COL27A1: variants seen among roughly 807,000 people sequenced by gnomAD.
COL27A1 encodes collagen type XXVII alpha 1 chain.
A neutral mutation model predicts 251.3 loss-of-function variants in COL27A1; 106 were observed. The observed-to-expected ratio is 0.42, with a 90% confidence interval of 0.36 to 0.50. COL27A1 has a LOEUF of 0.50. COL27A1 is among the 20% of genes least tolerant of loss of function. The probability of loss-of-function intolerance (pLI) is 0.00; values close to 1 mark genes in which losing one functional copy is unlikely to be tolerated. For synonymous variants in COL27A1, 1,000 were observed against 986.3 expected (o/e 1.01, Z -0.26); for missense variants, 2,325 against 2,522.8 (o/e 0.92, Z 1.68).
chr9:114,225,953 T>G (rs937520367), intron 14 of COL27A1, among the ~76,000 whole-genome samples: 7 of 152,152 alleles, frequency 4.6e-5, no homozygotes, highest in African/African-American at 1.7e-4. Context: ...GTGTCGGGCT[T>G]GTCACCTGGG....
At chr9:114,297,147 A>C (rs923450493) in intron 49 of COL27A1, among the ~76,000 whole-genome samples, 1 of 152,228 alleles carries the variant, frequency 6.6e-6, no homozygotes, top group African/African-American at 2.4e-5. Flanking sequence ...ACAAGGGTGA[A>C]TACAGACAGA....
At chr9:114,274,543 CATGGTTAGTGCTATATA>C (rs1226035085) in intron 36 of COL27A1, among the ~76,000 whole-genome samples, 5 of 152,192 alleles carry the variant, frequency 3.3e-5, no homozygotes, top group Non-Finnish European at 1.5e-5. Context: ...ATGGTCCTGA[CATGGTTAGTGCTATATA>C]AATGTTAGCT....
chr9:114,253,684 A>G (rs1239273305), intron 27 of COL27A1, among the ~76,000 whole-genome samples: 3 of 152,178 alleles, frequency 2.0e-5, no homozygotes, highest in African/African-American at 7.2e-5. Context: ...CCAAGCCTGA[A>G]TTTTGCTCAT....
intron 22 of COL27A1, 90 bp downstream of exon 22, chr9:114,242,321 G>C: frequency 8.4e-7 from 1 of 1,188,522 alleles, no homozygotes; most frequent in Non-Finnish European, 1.2e-6. Flanking sequence ...TGCTCCAGAG[G>C]GAAGTCATCA....
chr9:114,249,762 A>T (rs1833396369), intron 24 of COL27A1, among the ~76,000 whole-genome samples: 1 of 152,098 alleles, frequency 6.6e-6, no homozygotes. Context: ...GACAAAATCC[A>T]CTCATCCCTC....
At chr9:114,231,968 A>G (rs1452994676) in intron 16 of COL27A1, 102 bp downstream of exon 16, 2 of 1,117,988 alleles carry the variant, frequency 1.8e-6, no homozygotes, top group Non-Finnish European at 2.7e-6. Context: ...ACTCCCCTGC[A>G]CTCTTCCTGC....
At chr9:114,179,412 G>A (rs997486986) in intron 4 of COL27A1, among the ~76,000 whole-genome samples, 1 of 152,186 alleles carries the variant, frequency 6.6e-6, no homozygotes, top group Non-Finnish European at 1.5e-5. Context: ...GGATGAGGCC[G>A]TTGACCTAGG....
Position 114,252,639 on chromosome 9 carries a change from G to T in COL27A1, c.3080G>T (p.Gly1027Val). 6.2e-7 allele frequency: 1 copy of T among 1,613,796 alleles called. No homozygotes were observed. The change falls in exon 26 of 61, where the codon GGG becomes GTG. Residue 1027 changes from glycine (G) to valine (V), a missense_variant. By Grantham distance (109) the Gly-to-Val change is moderately radical. This residue lies in a region of COL27A1 where 662 missense variants were observed against 795.3 expected (regional missense o/e 0.83). Transcript: ENST00000356083. ...MGPPGVPGPK[G>V]SMGHPGMPGG... ...CCCCCAGGCGTGCCTGGACCCAAGGGGTCGATGGTAAGGAGTAAGTCTGCA... is the reference window on the plus strand; with the variant it reads ...CCCCCAGGCGTGCCTGGACCCAAGGTGTCGATGGTAAGGAGTAAGTCTGCA...
At chr9:114,241,505 C>T (rs2135480316) in intron 21 of COL27A1, among the ~76,000 whole-genome samples, 1 of 152,296 alleles carries the variant, frequency 6.6e-6, no homozygotes, top group Admixed American at 6.5e-5. Context: ...GCTGCCTGAG[C>T]CTGTGGGGGT....
intron 39 of COL27A1, among the ~76,000 whole-genome samples, chr9:114,283,481 T>C (rs1445516303): frequency 6.6e-6 from 1 of 151,780 alleles, no homozygotes; most frequent in Non-Finnish European, 1.5e-5. Flanking sequence ...AGCAATCAGC[T>C]GTCTCGAACC....
chr9:114,195,024 A>G (rs1829017845), intron 6 of COL27A1, among the ~76,000 whole-genome samples: 1 of 152,128 alleles, frequency 6.6e-6, no homozygotes, highest in African/African-American at 2.4e-5. Context: ...TGAGCAAGGG[A>G]CTTGGAGGGA....
At chr9:114,281,467 G>A (rs1039930826) in intron 37 of COL27A1, among the ~76,000 whole-genome samples, 1 of 152,236 alleles carries the variant, frequency 6.6e-6, no homozygotes, top group Non-Finnish European at 1.5e-5. Context: ...TGTGGGGCAG[G>A]GGCAGAGTGG....
At chr9:114,300,836 C>T (rs372151254) in intron 51 of COL27A1, 149 bp downstream of exon 51, 369 of 759,528 alleles carry the variant, frequency 4.9e-4, no homozygotes, top group Non-Finnish European at 7.0e-4. Flanking sequence ...TCACTCCTGC[C>T]GTTCCCACCA....
chr9:114,264,114 C>A (rs1335898417), intron 28 of COL27A1, among the ~76,000 whole-genome samples: 2 of 152,236 alleles, frequency 1.3e-5, no homozygotes, highest in Non-Finnish European at 2.9e-5. Flanking sequence ...GTGCCCCAGC[C>A]CCCTTCTGGA....
chr9:114,274,619 C>T (rs1835367032), intron 36 of COL27A1, among the ~76,000 whole-genome samples: 2 of 152,196 alleles, frequency 1.3e-5, no homozygotes, highest in Admixed American at 6.5e-5. Context: ...GAATGATCGC[C>T]ATGCAGAGCC....
intron 28 of COL27A1, among the ~76,000 whole-genome samples, chr9:114,263,592 T>C (rs904462255): frequency 1.3e-5 from 2 of 152,174 alleles, no homozygotes; most frequent in Non-Finnish European, 2.9e-5. Flanking sequence ...GCGGCTAATG[T>C]GTTAGGGACC....
chr9:114,238,991 C>G (rs558650187), intron 19 of COL27A1, among the ~76,000 whole-genome samples: 1 of 152,310 alleles, frequency 6.6e-6, no homozygotes, highest in Non-Finnish European at 1.5e-5. Flanking sequence ...TTTCCTGGGT[C>G]CCTGGACAAT....
intron 23 of COL27A1, among the ~76,000 whole-genome samples, chr9:114,243,924 C>CTTTTTT (rs1564515708): frequency 1.4e-5 from 2 of 138,082 alleles, no homozygotes; most frequent in African/African-American, 2.8e-5. Context: ...TTTTTTCTTT[C>CTTTTTT]ATTTTTTTTT....
rs753609873 is a variant in COL27A1, at chr9:114,267,532, G to A, written c.3476G>A (p.Gly1159Asp). 6.9e-6 allele frequency: 11 copies of A among 1,596,440 alleles called. No homozygotes were observed. Among genetic ancestry groups the A allele is most frequent in the Non-Finnish European group, 9.4e-6 (11 of 1,174,128 alleles). Residue 1159 changes from glycine (G) to aspartate (D), a missense_variant, in exon 34 of 61, where the codon GGC becomes GAC. Coordinates refer to ENST00000356083, the MANE Select transcript of COL27A1 (RefSeq NM_032888.4). ...CCGCCTGGTGCAGTGGGAGAACCGG[G>A]CCTTCCTGGGGAAGCCGGGATGAAG... The part of the protein sequence containing the change: ...KGPPGAVGEP[G>D]LPGEAGMKGD...
Sources: allele counts gnomAD v4.1 joint callset (sites outside exome capture counted in the v4.1 genomes callset), GRCh38; gene constraint gnomAD v4.1.1; regional missense constraint gnomAD v4.1.1; transcripts MANE v1.5; gene names NCBI Gene and HGNC (gene_info 2026-07-23, HGNC 2026-07-21).